The following CCDC30 variants were observed in gnomAD, a reference collection of about 807,000 sequenced individuals.
CCDC30 encodes the protein coiled-coil domain containing 30, also known as coiled-coil domain-containing protein 30.
In CCDC30, 70 loss-of-function variants were observed where a neutral mutation model predicts 100.2. That is an observed-to-expected ratio of 0.70 (90% CI 0.58 to 0.85). CCDC30 has a LOEUF of 0.85. Ranked by LOEUF, CCDC30 falls within the 40% of genes least tolerant of loss-of-function variation. CCDC30 has a pLI of 0.00. For synonymous variants in CCDC30, 233 were observed against 269.5 expected, an observed-to-expected ratio of 0.86 and a Z score of 1.33; for missense variants, 652 against 771.2, an observed-to-expected ratio of 0.85 and a Z score of 1.83.
At chr1:42,536,454 T>C (rs1479136915) in intron 6 of CCDC30, 22 bp from the exon 7 acceptor site, 7 of 1,449,862 alleles carry the variant, frequency 4.8e-6, no homozygotes, top group Non-Finnish European at 6.6e-6. Context: ...ATAAAATTAA[T>C]TATGTAAAAT....
At chr1:42,654,112 T>G in exon 17 of CCDC30, 2 of 907,696 alleles carry the variant, frequency 2.2e-6, no homozygotes, top group Non-Finnish European at 3.5e-6. Context: ...TGAGAAGAGT[T>G]ACCACAGATC....
Position 42,477,092 on chromosome 1 carries a change from T to C in CCDC30, c.-91-3369T>C, listed in dbSNP as rs542681860. On this transcript the variant is annotated intron_variant, in intron 1 of 16. Transcript: ENST00000668663. ...TTTCTTTAATTCTGGCTTTTTTTTT[T>C]CCCCCCTCTACAAAGCTTCTGGAAA... is the stretch of plus-strand genomic sequence containing the variant. Among the ~76,000 whole-genome samples the C allele has an allele frequency of 1.7e-3, 256 of 150,762 alleles. 2 individuals carry two copies. Among genetic ancestry groups the C allele is most frequent in the African/African-American group, 4.5e-3 (184 of 40,772 alleles).
chr1:42,512,446 C>T lies in CCDC30; in HGVS notation c.456+13530C>T, dbSNP rs951177964. On this transcript the variant is annotated intron_variant, in intron 6 of 16. Transcript: ENST00000668663. ...AGGGCAGGGAGTGACCTCACTGTGG[C>T]GGGTGGGGGGAGACCCTCTGATCCT... Among the ~76,000 whole-genome samples the T allele has an allele frequency of 4.6e-5, 7 of 152,070 alleles. No individual in the cohort carries two copies. In the South Asian group the frequency reaches 8.3e-4, roughly 18 times the overall value.
intron 11 of CCDC30, among the ~76,000 whole-genome samples, chr1:42,631,139 T>C (rs1282170816): frequency 6.6e-6 from 1 of 152,190 alleles, no homozygotes; most frequent in East Asian, 1.9e-4. Context: ...TCAAAAGTAC[T>C]TGGGTGTTGT....
At chr1:42,457,965 A>AC in the CCDC30 span, among the ~76,000 whole-genome samples, 14 of 151,716 alleles carry the variant, frequency 9.2e-5, no homozygotes, top group South Asian at 2.9e-3. Context: ...CAAAAAAAAA[A>AC]AAAAACACCA....
At chr1:42,535,798 T>C (rs1310717820) in intron 6 of CCDC30, among the ~76,000 whole-genome samples, 1 of 123,404 alleles carries the variant, frequency 8.1e-6, no homozygotes, top group East Asian at 2.5e-4. Context: ...AGAAATTGGC[T>C]CAGTTTTTGT....
chr1:42,542,950 T>G (rs1645045552), intron 6 of CCDC30: 1 of 153,456 alleles, frequency 6.5e-6, no homozygotes, highest in Admixed American at 6.5e-5. Context: ...AATGTTTACA[T>G]TTTTACAATG....
chr1:42,559,653 A>G (rs1023009562), intron 6 of CCDC30, among the ~76,000 whole-genome samples: 1 of 152,224 alleles, frequency 6.6e-6, no homozygotes, highest in African/African-American at 2.4e-5. Context: ...ACAAGTTCTT[A>G]GAGACCTACA....
chr1:42,651,939 CT>C (rs1382575212), intron 15 of CCDC30, among the ~76,000 whole-genome samples: 1 of 151,698 alleles, frequency 6.6e-6, no homozygotes, highest in Non-Finnish European at 1.5e-5. Flanking sequence ...ACCTTGTACA[CT>C]GTTGTTTGGA....
intron 10 of CCDC30, among the ~76,000 whole-genome samples, chr1:42,608,551 A>AAC (rs1646551561): frequency 1.3e-5 from 2 of 151,932 alleles, no homozygotes; most frequent in African/African-American, 4.8e-5. Flanking sequence ...ATACAAAAAA[A>AAC]AATTAGCCGG....
At chr1:42,655,547 G>A (rs891193840), downstream of CCDC30, among the ~76,000 whole-genome samples, 3 of 151,586 alleles carry the variant, frequency 2.0e-5, no homozygotes, top group African/African-American at 7.3e-5. Context: ...ACTCCATCTC[G>A]AAAAAATAAA....
At position 42,606,807 on chromosome 1, in the gene CCDC30, T is replaced by C. The variant is rs149322522; in HGVS notation, c.1165-4171T>C. 4.0e-3 allele frequency among the ~76,000 whole-genome samples: 605 copies of C among 152,314 alleles called. 3 individuals carry two copies. The highest frequency in any genetic ancestry group is 0.014 in the African/African-American group (577 of 41,566). On this transcript the variant is annotated intron_variant, in intron 10 of 16. Coordinates refer to ENST00000668663, the Ensembl canonical transcript of CCDC30. Reference sequence around the variant, plus strand: ...TACAATAAAAAGCTGAATTGCTTCATAGGTACCATAGATGAAGTCTGCAAC... The same window carrying C: ...TACAATAAAAAGCTGAATTGCTTCACAGGTACCATAGATGAAGTCTGCAAC...
At chr1:42,462,742 A>C (rs1438250393), upstream of CCDC30, among the ~76,000 whole-genome samples, 1 of 151,930 alleles carries the variant, frequency 6.6e-6, no homozygotes, top group African/African-American at 2.4e-5. Context: ...GATAACGTTC[A>C]TCTTACCTGA....
chr1:42,525,644 TGTCGAG>T (rs1644712536), intron 6 of CCDC30, among the ~76,000 whole-genome samples: 1 of 152,246 alleles, frequency 6.6e-6, no homozygotes, highest in Non-Finnish European at 1.5e-5. Context: ...AATTTTATAT[TGTCGAG>T]GACTGAATTT....
At chr1:42,527,851 TTTTC>T (rs1344137961) in intron 6 of CCDC30, among the ~76,000 whole-genome samples, 3 of 151,940 alleles carry the variant, frequency 2.0e-5, no homozygotes, top group Admixed American at 6.6e-5. Context: ...TTTTTTTTCT[TTTTC>T]TTTCTTTCTT....
rs375571723 is a variant in CCDC30, at chr1:42,573,477, ATTC to A, written c.637-3540_637-3538del. Among the ~76,000 whole-genome samples the A allele has an allele frequency of 2.6e-4, 39 of 152,230 alleles. 1 individual carries two copies. The East Asian group carries it at 6.6e-3, about 26-fold the overall frequency. Reference sequence around the variant, plus strand: ...AATAAAAACTTTCCCATACTTTTTTATTCTTACAATGTATGTATATGTTATTTT... The same window carrying A: ...AATAAAAACTTTCCCATACTTTTTTATTACAATGTATGTATATGTTATTTT... On this transcript the variant is annotated intron_variant, in intron 7 of 16. Coordinates refer to ENST00000668663, the Ensembl canonical transcript of CCDC30.
rs375162460 is a variant in CCDC30 at position 42,587,662 on chromosome 1, A to G, written c.1002-1659A>G. Reference sequence around the variant, plus strand: ...CCCCAATAACCTGTTGATTTCTCAGAATACTGAAGTTAGAGAAAACAAACT... The same window carrying G: ...CCCCAATAACCTGTTGATTTCTCAGGATACTGAAGTTAGAGAAAACAAACT... On this transcript the variant is annotated intron_variant, in intron 9 of 16. Coordinates refer to ENST00000668663, the Ensembl canonical transcript of CCDC30. 4.7e-4 allele frequency among the ~76,000 whole-genome samples: 71 copies of G among 152,318 alleles called. 3 individuals carry two copies. The South Asian group carries it at 0.012, about 26-fold the overall frequency.
At position 42,651,137 on chromosome 1, in the gene CCDC30, A is replaced by G. The variant is rs140492750; in HGVS notation, c.1855-2239A>G. On this transcript the variant is annotated intron_variant, in intron 15 of 16. Transcript: ENST00000668663. The stretch of plus-strand genomic sequence containing the variant: ...TGTAAAACTACTAGAAGAACACTAC[A>G]TAGGGGAAAAACTACATGATATTGA... 2.6e-3 allele frequency among the ~76,000 whole-genome samples: 401 copies of G among 152,344 alleles called. 2 individuals are homozygous for G. The highest frequency in any genetic ancestry group is 8.5e-3 in the African/African-American group (355 of 41,578).
intron 11 of CCDC30, among the ~76,000 whole-genome samples, chr1:42,625,865 C>G (rs1387209547): frequency 6.6e-6 from 1 of 152,006 alleles, no homozygotes; most frequent in Non-Finnish European, 1.5e-5. Context: ...TCTATTAGGT[C>G]CATTTGGTCT....
Sources: gnomAD v4.1 joint callset for allele counts (sites outside exome capture counted in the v4.1 genomes callset) on GRCh38, gnomAD v4.1.1 for gene constraint, MANE v1.5 for transcripts, NCBI Gene and HGNC (gene_info 2026-07-23, HGNC 2026-07-21) for gene names.